COL21A1: variants seen among roughly 807,000 people sequenced by gnomAD.
COL21A1 encodes collagen type XXI alpha 1 chain, also known as collagen alpha-1(XXI) chain.
A neutral mutation model predicts 137.9 loss-of-function variants in COL21A1; 149 were observed. That is an observed-to-expected ratio of 1.08 (90% confidence interval 0.95 to 1.24). The LOEUF is 1.24. Ranked by LOEUF, COL21A1 falls within the 50% of genes most tolerant of loss-of-function variation. The probability of loss-of-function intolerance (pLI) is 0.00; values close to 1 mark genes in which losing one functional copy is unlikely to be tolerated. For missense variants in COL21A1, 1,167 were observed against 1,158.4 expected, an observed-to-expected ratio of 1.01 and a Z score of -0.11; for synonymous variants, 456 against 391.5, an observed-to-expected ratio of 1.16 and a Z score of -1.95.
intron 1 of COL21A1, among the ~76,000 whole-genome samples, chr6:56,319,360 C>T (rs1340973372): frequency 3.9e-5 from 6 of 152,046 alleles, no homozygotes; most frequent in South Asian, 2.1e-4. Context: ...TTGTTTGTGA[C>T]GGAGTCTCAC....
At chr6:56,231,099 C>A (rs906379467) in intron 1 of COL21A1, 3 of 151,878 alleles carry the variant, frequency 2.0e-5, no homozygotes, top group Non-Finnish European at 4.4e-5. Flanking sequence ...CCAGATGACT[C>A]TACTGCCATT....
Position 56,060,026 on chromosome 6 carries a change from CCT to C in COL21A1, c.2598_2599del (p.Gly867IlefsTer76). ...TGAAACTAACTGCATACCTTTTAAT[CCT>C]CTGACACCTGGACGTCCAGGGACAC... On this transcript the variant is annotated frameshift_variant, in exon 28 of 30. Coordinates refer to ENST00000244728, the MANE Select transcript of COL21A1 (RefSeq NM_030820.4). LOFTEE classifies it high-confidence loss of function. 6.3e-7 allele frequency: 1 copy of C among 1,594,724 alleles called. No homozygotes were observed. The highest frequency in any genetic ancestry group is 1.1e-5 in the South Asian group (1 of 87,150).
At position 56,125,284 on chromosome 6, in the gene COL21A1, G is replaced by T. The variant is rs376389273; in HGVS notation, c.1650+283C>A. The T allele has an allele frequency of 8.0e-5, 16 of 199,256 alleles. No homozygotes were observed. The South Asian group carries it at 2.1e-3, about 27-fold the overall frequency. 12.3% of individuals were successfully genotyped at this position (199,256 alleles called of 1,614,324 possible). A position where few individuals can be genotyped will look rare whatever the true frequency, so the allele number is the denominator to read the frequency against. On this transcript the variant is annotated intron_variant, in intron 14 of 29. Transcript: ENST00000244728. ...TCCACCCCCCTCGGCCTCCCAAAGTGCTGGGATTACAGGCGTGAGCCACCG... is the reference window on the plus strand; with the variant it reads ...TCCACCCCCCTCGGCCTCCCAAAGTTCTGGGATTACAGGCGTGAGCCACCG...
At chr6:56,306,888 C>T (rs1320073690) in intron 1 of COL21A1, among the ~76,000 whole-genome samples, 1 of 152,150 alleles carries the variant, frequency 6.6e-6, no homozygotes, top group Non-Finnish European at 1.5e-5. Context: ...TGGTGACGTA[C>T]AGATGGGGTT....
intron 1 of COL21A1, among the ~76,000 whole-genome samples, chr6:56,218,578 C>A (rs921213006): frequency 6.6e-6 from 1 of 152,070 alleles, no homozygotes; most frequent in Middle Eastern, 3.2e-3. Context: ...TTATGTTATA[C>A]ACTATTTAAA....
intron 1 of COL21A1, among the ~76,000 whole-genome samples, chr6:56,240,119 T>C (rs1357906349): frequency 1.3e-5 from 2 of 151,740 alleles, no homozygotes; most frequent in African/African-American, 4.8e-5. Context: ...ACCATGATTA[T>C]AAGGCCTCCC....
intron 28 of COL21A1, 56 bp downstream of exon 28, chr6:56,059,962 A>C (rs2114025921): frequency 5.1e-6 from 7 of 1,367,524 alleles, no homozygotes; most frequent in Non-Finnish European, 5.1e-6. Context: ...ATAGGGTATG[A>C]ATTTTTAAAA....
At chr6:56,080,380 T>G (rs1767643731) in intron 17 of COL21A1, among the ~76,000 whole-genome samples, 1 of 151,750 alleles carries the variant, frequency 6.6e-6, no homozygotes, top group African/African-American at 2.4e-5. Context: ...TTAAAGAATG[T>G]TGACACAAAA....
intron 1 of COL21A1, among the ~76,000 whole-genome samples, chr6:56,393,410 G>A (rs1399543600): frequency 6.6e-6 from 1 of 152,092 alleles, no homozygotes; most frequent in Non-Finnish European, 1.5e-5. Flanking sequence ...GAAAAAATTG[G>A]GGAAACTCTC....
chr6:56,157,072 TA>T (rs61242227), intron 9 of COL21A1, 123 bp from the exon 10 acceptor site: 5,542 of 491,106 alleles, frequency 0.011, 7 homozygotes, highest in South Asian at 0.018. Flanking sequence ...AAAACAAAAG[TA>T]AAAAAAAAAA....
intron 1 of COL21A1, among the ~76,000 whole-genome samples, chr6:56,199,395 T>C (rs1779232622): frequency 6.6e-6 from 1 of 152,022 alleles, no homozygotes; most frequent in South Asian, 2.1e-4. Context: ...TAAACTGAGC[T>C]CACCTGTTAA....
intron 14 of COL21A1, among the ~76,000 whole-genome samples, chr6:56,124,625 A>C (rs753552731): frequency 2.9e-5 from 3 of 101,782 alleles, no homozygotes; most frequent in Non-Finnish European, 6.3e-5. Context: ...TTCAGTGGAC[A>C]TGTTTTTTGT....
Position 56,164,423 on chromosome 6 carries a change from T to A in COL21A1, c.1371A>T (p.Lys457Asn). The change falls in exon 9 of 30, where the codon AAA (lysine) becomes AAT (asparagine). Residue 457 changes from lysine (K) to asparagine (N), a missense_variant and splice_region_variant. Transcript: ENST00000244728. Reference protein sequence around the residue: ...PPGKPGLQGPKGDPGLPGNPG... With the variant: ...PPGKPGLQGPNGDPGLPGNPG... ...AAACAGCAAGTTAGGTGTTACCCAC[T>A]TTGGGGCCTTGAAGTCCTGGTTTTC... 1 of 1,575,028 alleles carries A rather than the reference T, an allele frequency of 6.3e-7. No homozygotes were observed. The highest frequency in any genetic ancestry group is 8.6e-7 in the Non-Finnish European group (1 of 1,158,226).
At chr6:56,151,770 T>C (rs992640507) in intron 10 of COL21A1, among the ~76,000 whole-genome samples, 4 of 152,150 alleles carry the variant, frequency 2.6e-5, no homozygotes, top group Admixed American at 6.5e-5. Flanking sequence ...ATGGCTCCAA[T>C]AGCCAGCCAG....
At chr6:56,156,484 A>T (rs2152257298) in intron 10 of COL21A1, among the ~76,000 whole-genome samples, 1 of 152,308 alleles carries the variant, frequency 6.6e-6, no homozygotes, top group South Asian at 2.1e-4. Context: ...CAAGGACCTG[A>T]GAGCCACCCC....
chr6:56,179,606 C>T lies in COL21A1; in HGVS notation c.612G>A (p.Arg204=). 6.2e-7 allele frequency: 1 copy of T among 1,611,486 alleles called. No individual in the cohort carries two copies. The change falls in exon 3 of 30, where the codon AGG becomes AGA. Residue 204 remains arginine (R), a synonymous_variant. Coordinates refer to ENST00000244728, the MANE Select transcript of COL21A1 (RefSeq NM_030820.4). ...CACAAAGTTTCTGCTTCATCACTTC[C>T]CTTATTTTGGATATTGCAATATAGT... ...VEDYIAISKI[R]EVMKQKLCEE...
At chr6:56,211,580 C>A (rs572870777) in intron 1 of COL21A1, among the ~76,000 whole-genome samples, 1 of 151,996 alleles carries the variant, frequency 6.6e-6, no homozygotes, top group African/African-American at 2.4e-5. Flanking sequence ...CAAAACAAAG[C>A]AAAACAAAAG....
At chr6:56,060,481 T>C in intron 27 of COL21A1, 1 of 481,716 alleles carries the variant, frequency 2.1e-6, no homozygotes. Flanking sequence ...TTCATATTTA[T>C]GAACTAAATT....
chr6:56,261,971 G>T (rs1763287334), intron 1 of COL21A1, among the ~76,000 whole-genome samples: 1 of 152,108 alleles, frequency 6.6e-6, no homozygotes. Flanking sequence ...ATCCAAAACT[G>T]CAAGAGGATT....
Sources: gnomAD v4.1 joint callset for allele counts (sites outside exome capture counted in the v4.1 genomes callset) on GRCh38, gnomAD v4.1.1 for gene constraint, MANE v1.5 for transcripts, NCBI Gene and HGNC (gene_info 2026-07-23, HGNC 2026-07-21) for gene names.